Variants in ROBO1 observed in about 807,000 individuals in gnomAD.
ROBO1 encodes roundabout homolog 1.
In ROBO1, 149 loss-of-function variants were observed where a neutral mutation model predicts 195.9. That is an observed-to-expected ratio of 0.76 (90% CI 0.67 to 0.87). The LOEUF (loss-of-function observed/expected upper bound fraction) is 0.87. Ranked by LOEUF, ROBO1 falls within the 40% of genes least tolerant of loss-of-function variation. The pLI, the probability that ROBO1 is intolerant of heterozygous loss-of-function variation, is 0.00. For missense variants in ROBO1, 1,933 were observed against 2,068.3 expected (o/e 0.93, Z 1.27); for synonymous variants, 816 against 733.2 (o/e 1.11, Z -1.82).
chr3:79,678,603 A>G (rs1946852778), intron 1 of ROBO1, among the ~76,000 whole-genome samples: 1 of 152,130 alleles, frequency 6.6e-6, no homozygotes, highest in African/African-American at 2.4e-5. Flanking sequence ...TAGAAATTTT[A>G]GAATTCATTA....
At chr3:79,095,025 C>T (rs913513225) in intron 3 of ROBO1, among the ~76,000 whole-genome samples, 3 of 151,588 alleles carry the variant, frequency 2.0e-5, no homozygotes, top group Admixed American at 2.0e-4. Context: ...TCCTGAGATG[C>T]ACTGAGGTAT....
intron 4 of ROBO1, among the ~76,000 whole-genome samples, chr3:78,887,731 A>T (rs1239577813): frequency 6.6e-6 from 1 of 152,108 alleles, no homozygotes; most frequent in Non-Finnish European, 1.5e-5. Context: ...CTTCTATCCC[A>T]CAGTTAAGTG....
intron 2 of ROBO1, among the ~76,000 whole-genome samples, chr3:79,546,920 G>A (rs1408723046): frequency 6.6e-6 from 1 of 152,036 alleles, no homozygotes; most frequent in Non-Finnish European, 1.5e-5. Context: ...GGTGGCTCAC[G>A]CCTGTAATCC....
intron 1 of ROBO1, among the ~76,000 whole-genome samples, chr3:79,609,077 G>A (rs1441084973): frequency 6.6e-6 from 1 of 151,878 alleles, no homozygotes; most frequent in Non-Finnish European, 1.5e-5. Flanking sequence ...CTTACAAAAT[G>A]CTGGCATCTT....
chr3:79,484,836 C>T (rs1939073994), intron 2 of ROBO1, among the ~76,000 whole-genome samples: 1 of 135,966 alleles, frequency 7.4e-6, no homozygotes, highest in Admixed American at 8.5e-5. Context: ...TCACTGCAAG[C>T]TCTATCTCCC....
chr3:79,593,937 T>C (rs1163198693), intron 1 of ROBO1, among the ~76,000 whole-genome samples: 1 of 151,948 alleles, frequency 6.6e-6, no homozygotes, highest in Non-Finnish European at 1.5e-5. Context: ...TTTACTTTTA[T>C]TGTATGTTTT....
At chr3:78,862,678 G>A (rs146432737) in intron 4 of ROBO1, among the ~76,000 whole-genome samples, 2 of 152,252 alleles carry the variant, frequency 1.3e-5, no homozygotes, top group African/African-American at 4.8e-5. Flanking sequence ...AACAAGGAAA[G>A]CCTTGGTAAA....
At chr3:78,676,415 T>C (rs1252474183) in intron 10 of ROBO1, among the ~76,000 whole-genome samples, 1 of 152,104 alleles carries the variant, frequency 6.6e-6, no homozygotes, top group Admixed American at 6.5e-5. Flanking sequence ...GGCAAAGAAG[T>C]TAAAAACTTT....
chr3:78,819,575 CATGTCTGTGTGTCTGAAATCAAGTTTT>C (rs2030634320), intron 4 of ROBO1, among the ~76,000 whole-genome samples: 1 of 151,408 alleles, frequency 6.6e-6, no homozygotes, highest in Non-Finnish European at 1.5e-5. Flanking sequence ...AATCAAGTTT[CATGTCTGTGTGTCTGAAATCAAGTTTT>C]ATGTCTGTGT....
intron 4 of ROBO1, among the ~76,000 whole-genome samples, chr3:78,927,287 T>C (rs2039275942): frequency 1.3e-5 from 2 of 152,210 alleles, no homozygotes; most frequent in Admixed American, 1.3e-4. Context: ...ATTCTTACTC[T>C]TACATTCTGC....
intron 2 of ROBO1, among the ~76,000 whole-genome samples, chr3:79,398,852 T>C (rs1227963041): frequency 1.3e-5 from 2 of 152,168 alleles, no homozygotes; most frequent in Admixed American, 6.5e-5. Flanking sequence ...TAGACATTTT[T>C]ATGTTAATCA....
intron 12 of ROBO1, 79 bp from the exon 13 acceptor site, chr3:78,668,381 A>G: frequency 6.3e-7 from 1 of 1,588,088 alleles, no homozygotes; most frequent in South Asian, 1.1e-5. Flanking sequence ...TAACATATTC[A>G]TACACCTACT....
At chr3:79,205,138 G>A (rs765958676) in intron 2 of ROBO1, among the ~76,000 whole-genome samples, 6 of 151,964 alleles carry the variant, frequency 3.9e-5, no homozygotes, top group South Asian at 2.1e-4. Context: ...GATTACAGGC[G>A]CGCACCACCA....
At chr3:79,300,564 G>A (rs2032876050) in intron 2 of ROBO1, among the ~76,000 whole-genome samples, 1 of 152,162 alleles carries the variant, frequency 6.6e-6, no homozygotes, top group South Asian at 2.1e-4. Flanking sequence ...CCGCTCCATG[G>A]CGCCCAGTCC....
intron 4 of ROBO1, among the ~76,000 whole-genome samples, chr3:78,887,551 A>C (rs531412692): frequency 6.6e-6 from 1 of 152,306 alleles, no homozygotes; most frequent in Admixed American, 6.5e-5. Context: ...AAAACAAAAG[A>C]TCACAGACAG....
At chr3:79,359,867 G>C (rs552046704) in intron 2 of ROBO1, among the ~76,000 whole-genome samples, 2 of 152,064 alleles carry the variant, frequency 1.3e-5, no homozygotes, top group East Asian at 3.9e-4. Flanking sequence ...AAAGGCAGTA[G>C]GCGTGCTGGA....
intron 5 of ROBO1, among the ~76,000 whole-genome samples, chr3:78,724,660 C>T (rs910707550): frequency 5.9e-5 from 9 of 151,734 alleles, no homozygotes; most frequent in Non-Finnish European, 1.0e-4. Context: ...CCAGCCTGGG[C>T]GACAGAGTGA....
chr3:78,755,384 G>A (rs2082903227), intron 4 of ROBO1, among the ~76,000 whole-genome samples: 1 of 152,110 alleles, frequency 6.6e-6, no homozygotes, highest in Non-Finnish European at 1.5e-5. Context: ...TGAGGTAGGA[G>A]GATCGCTTGA....
Position 79,589,299 on chromosome 3 carries a change from A to C in ROBO1, c.88+525T>G, listed in dbSNP as rs1943923177. Among the ~76,000 whole-genome samples, 2 of 151,760 alleles carry C rather than the reference A, an allele frequency of 1.3e-5. 1 individual carries two copies. Among genetic ancestry groups the C allele is most frequent in the East Asian group, 3.9e-4 (2 of 5,174 alleles). On this transcript the variant is annotated intron_variant, in intron 2 of 30. Coordinates refer to ENST00000464233, the MANE Select transcript of ROBO1 (RefSeq NM_002941.4). ...TACCATTAATGAAATTATGACTTCA[A>C]GGAAATAGGTTTCTAACTTCACCCA...
Sources: allele counts gnomAD v4.1 joint callset (sites outside exome capture counted in the v4.1 genomes callset), GRCh38; gene constraint gnomAD v4.1.1; transcripts MANE v1.5; gene names NCBI Gene and HGNC (gene_info 2026-07-23, HGNC 2026-07-21).